Variants in HS3ST4 observed in about 807,000 individuals in gnomAD.
HS3ST4 encodes the protein heparan sulfate-glucosamine 3-sulfotransferase 4.
A neutral mutation model predicts 29.2 loss-of-function variants in HS3ST4; 17 were observed. The observed-to-expected ratio is 0.58, with a 90% confidence interval of 0.40 to 0.87. The LOEUF is 0.87. Among genes scored for constraint, HS3ST4 ranks in the 40% least tolerant of loss-of-function variants. The pLI is 0.00. For synonymous variants in HS3ST4, 314 were observed against 285.7 expected, an observed-to-expected ratio of 1.10 and a Z score of -1.00; for missense variants, 627 against 634.5, an observed-to-expected ratio of 0.99 and a Z score of 0.13.
intron 1 of HS3ST4, among the ~76,000 whole-genome samples, chr16:26,097,608 TA>T (rs1432902945): frequency 6.6e-6 from 1 of 152,196 alleles, no homozygotes; most frequent in African/African-American, 2.4e-5. Flanking sequence ...ACTTAAATGT[TA>T]GACCCAAAAC....
At position 25,916,605 on chromosome 16, in the gene HS3ST4, G is replaced by A. The variant is rs201399363; in HGVS notation, c.735-219007G>A. 2.2e-4 allele frequency among the ~76,000 whole-genome samples: 33 copies of A among 149,802 alleles called. No homozygotes were observed. The East Asian group carries it at 5.1e-3, about 23-fold the overall frequency. On this transcript the variant is annotated intron_variant, in intron 1 of 1. Coordinates refer to ENST00000331351, the MANE Select transcript of HS3ST4 (RefSeq NM_006040.3). Reference sequence around the variant, plus strand: ...TGAAACTCCTGACCTCAGATGATCCGCCCGCCTTGGGCTCCCAAAGTGTTG... The same window carrying A: ...TGAAACTCCTGACCTCAGATGATCCACCCGCCTTGGGCTCCCAAAGTGTTG...
At chr16:26,068,220 A>G (rs1307799689) in intron 1 of HS3ST4, among the ~76,000 whole-genome samples, 1 of 152,184 alleles carries the variant, frequency 6.6e-6, no homozygotes, top group Admixed American at 6.5e-5. Flanking sequence ...GGGGATAGAC[A>G]TTATTCTAAT....
At chr16:25,835,623 G>A (rs143710654) in intron 1 of HS3ST4, among the ~76,000 whole-genome samples, 161 of 152,272 alleles carry the variant, frequency 1.1e-3, no homozygotes, top group African/African-American at 3.4e-3. Context: ...ATGAGGAAAC[G>A]GAGGCATAGA....
At chr16:25,829,033 G>T (rs1392100833) in intron 1 of HS3ST4, among the ~76,000 whole-genome samples, 1 of 152,216 alleles carries the variant, frequency 6.6e-6, no homozygotes, top group Non-Finnish European at 1.5e-5. Context: ...TAAAGACCAA[G>T]AAGTGACAGA....
In HS3ST4 at chr16:26,136,297, G is replaced by C. The variant is rs1286236913; in HGVS notation, c.*49G>C. 6.6e-7 allele frequency: 1 copy of C among 1,526,638 alleles called. No homozygotes were observed. The highest frequency in any genetic ancestry group is 1.3e-5 in the South Asian group (1 of 78,636). The allele number at this position is 1,526,638 out of a possible 1,614,324, so 94.6% of individuals were successfully genotyped here. On this transcript the variant is annotated 3_prime_UTR_variant, in exon 2 of 2. Transcript: ENST00000331351. ...AGTCAATAAGCTAAGGAGGCTCCTTGCCTGAGTCCTTGAATACCCCAGCTT... is the reference window on the plus strand; with the variant it reads ...AGTCAATAAGCTAAGGAGGCTCCTTCCCTGAGTCCTTGAATACCCCAGCTT...
intron 1 of HS3ST4, among the ~76,000 whole-genome samples, chr16:25,928,004 GC>G (rs151149965): frequency 7.4e-4 from 96 of 129,228 alleles, no homozygotes; most frequent in African/African-American, 2.9e-3. Flanking sequence ...TTAGAGACAA[GC>G]CTGGATAATG....
intron 1 of HS3ST4, among the ~76,000 whole-genome samples, chr16:25,875,998 G>T (rs549997008): frequency 2.6e-5 from 4 of 152,198 alleles, no homozygotes; most frequent in African/African-American, 7.2e-5. Flanking sequence ...AAAGATTTCT[G>T]GAACATAGAC....
chr16:25,964,910 T>A (rs1256725300), intron 1 of HS3ST4, among the ~76,000 whole-genome samples: 3 of 152,196 alleles, frequency 2.0e-5, no homozygotes, highest in Non-Finnish European at 4.4e-5. Flanking sequence ...ACTGAACTGG[T>A]TACTTAGCCG....
intron 1 of HS3ST4, among the ~76,000 whole-genome samples, chr16:25,904,082 G>A (rs892313704): frequency 6.6e-6 from 1 of 151,968 alleles, no homozygotes. Context: ...ATAGATGGAT[G>A]GATGCATGGA....
intron 1 of HS3ST4, among the ~76,000 whole-genome samples, chr16:25,961,634 G>A (rs544934802): frequency 2.6e-4 from 40 of 152,154 alleles, no homozygotes; most frequent in Middle Eastern, 3.4e-3. Context: ...ACAGTGTGTC[G>A]GAGGGTAACT....
intron 1 of HS3ST4, among the ~76,000 whole-genome samples, chr16:25,759,492 C>T (rs1257577709): frequency 2.6e-5 from 4 of 152,160 alleles, no homozygotes; most frequent in Admixed American, 2.0e-4. Context: ...CCAGGAAAGG[C>T]GAGGGCCACA....
At chr16:26,088,899 G>A (rs1596676574) in intron 1 of HS3ST4, among the ~76,000 whole-genome samples, 1 of 152,060 alleles carries the variant, frequency 6.6e-6, no homozygotes. Context: ...TTTTTCATGG[G>A]TCATGTAGAC....
At chr16:25,693,753 GGAGTTGATTTTGCACCA>G (rs1966273949) in intron 1 of HS3ST4, among the ~76,000 whole-genome samples, 1 of 152,170 alleles carries the variant, frequency 6.6e-6, no homozygotes, top group South Asian at 2.1e-4. Context: ...GAATGAGCAC[GGAGTTGATTTTGCACCA>G]GAAGCCTCAA....
chr16:26,074,314 G>A (rs1003205098), intron 1 of HS3ST4, among the ~76,000 whole-genome samples: 3 of 151,912 alleles, frequency 2.0e-5, no homozygotes, highest in East Asian at 1.9e-4. Flanking sequence ...TGTTTCTTAC[G>A]GCTGGAAAAG....
rs761835607 is a variant in HS3ST4 at position 26,135,669 on chromosome 16, C to T, written c.792C>T (p.Tyr264=). 4.2e-5 allele frequency: 68 copies of T among 1,613,662 alleles called. 1 individual carries two copies. In the Admixed American group the frequency reaches 1.1e-3, roughly 27 times the overall value. The stretch of plus-strand genomic sequence containing the variant: ...TAACCATGGAGAAGACTCCAAGTTA[C>T]TTTGTGACAAATGAGGCTCCCAAGC... ...GQITMEKTPS[Y]FVTNEAPKRI... The change falls in exon 2 of 2, where the codon TAC becomes TAT. Residue 264 remains tyrosine, a synonymous_variant. Transcript: ENST00000331351.
At chr16:25,837,211 T>G (rs1967365206) in intron 1 of HS3ST4, among the ~76,000 whole-genome samples, 1 of 152,214 alleles carries the variant, frequency 6.6e-6, no homozygotes, top group Non-Finnish European at 1.5e-5. Flanking sequence ...AAAAACTCAT[T>G]GGATGCCATT....
In HS3ST4 at chr16:26,067,450, A is replaced by T. The variant is rs965553797; in HGVS notation, c.735-68162A>T. On this transcript the variant is annotated intron_variant, in intron 1 of 1. Transcript: ENST00000331351. ...TTGGTGTCAAAGATATTTGGGTGTA[A>T]CTTTTCTCTGCCACTAATTGAGTTT... 2.2e-4 allele frequency among the ~76,000 whole-genome samples: 34 copies of T among 152,080 alleles called. 1 individual carries two copies. Among genetic ancestry groups the T allele is most frequent in the Admixed American group, 7.9e-4 (12 of 15,276 alleles).
chr16:25,806,754 T>C (rs1966994702), intron 1 of HS3ST4, among the ~76,000 whole-genome samples: 1 of 152,188 alleles, frequency 6.6e-6, no homozygotes, highest in African/African-American at 2.4e-5. Context: ...AATCAGGATA[T>C]TGGCATAGAT....
At chr16:25,892,584 G>A (rs1001492227) in intron 1 of HS3ST4, among the ~76,000 whole-genome samples, 14 of 152,126 alleles carry the variant, frequency 9.2e-5, no homozygotes, top group East Asian at 1.9e-4. Flanking sequence ...CCTGGTATCC[G>A]TCTTTGATTG....
Sources: gnomAD v4.1 joint callset for allele counts (sites outside exome capture counted in the v4.1 genomes callset) on GRCh38, gnomAD v4.1.1 for gene constraint, MANE v1.5 for transcripts, NCBI Gene and HGNC (gene_info 2026-07-23, HGNC 2026-07-21) for gene names.